The following STPG2 variants were observed in gnomAD, a reference collection of about 807,000 sequenced individuals.
The protein encoded by STPG2 is sperm-tail PG-rich repeat-containing protein 2.
A neutral mutation model predicts 54.2 loss-of-function variants in STPG2; 56 were observed. The ratio of observed to expected loss-of-function variants is 1.03; its 90% CI spans 0.83 to 1.29. STPG2 has a LOEUF of 1.29. Among genes scored for constraint, STPG2 ranks in the 50% most tolerant of loss-of-function variants. The probability of loss-of-function intolerance (pLI) is 0.00; values close to 1 mark genes in which losing one functional copy is unlikely to be tolerated. For missense variants in STPG2, 596 were observed against 544.9 expected (o/e 1.09, Z -0.93); for synonymous variants, 200 against 181.8 (o/e 1.10, Z -0.81).
At position 97,981,136 on chromosome 4, in the gene STPG2, A is replaced by C. The variant is rs780878638; in HGVS notation, c.772+23T>G. 6 of 1,610,776 alleles carry C rather than the reference A, an allele frequency of 3.7e-6. No homozygotes were observed. The Admixed American group carries it at 1.0e-4, about 27-fold the overall frequency. ...GTTTCTTTATAAAGCCAAAGAGTAGACATATATAGATAAATTGCTAACCTG... is the reference window on the plus strand; with the variant it reads ...GTTTCTTTATAAAGCCAAAGAGTAGCCATATATAGATAAATTGCTAACCTG... On this transcript the variant is annotated intron_variant, in intron 6 of 10. Transcript: ENST00000295268.
At chr4:97,570,037 A>C (rs1041442251) in intron 10 of STPG2, among the ~76,000 whole-genome samples, 1 of 152,084 alleles carries the variant, frequency 6.6e-6, no homozygotes, top group African/African-American at 2.4e-5. Context: ...TACCAGAAAA[A>C]CCCAAATTGA....
At position 97,495,710 on chromosome 4, in the gene STPG2, CAA is replaced by C. The variant is rs35288994; in HGVS notation, c.462+216987_462+216988del. On this transcript the variant is annotated intron_variant, in intron 4 of 4. Transcript: ENST00000522676. ...ATGTTTGGGAAAGGGATGGTCAAGA[CAA>C]AAAAAAAAAAAAAACACAGAACTAC... Among the ~76,000 whole-genome samples, 294 of 117,754 alleles carry C rather than the reference CAA, an allele frequency of 2.5e-3. 1 individual carries two copies. The highest frequency in any genetic ancestry group is 5.4e-3 in the African/African-American group (174 of 31,962). 77.3% of individuals were successfully genotyped at this position (117,754 alleles called of 152,430 possible).
At chr4:97,441,794 T>C (rs1021032962) in intron 4 of STPG2, among the ~76,000 whole-genome samples, 2 of 152,064 alleles carry the variant, frequency 1.3e-5, no homozygotes, top group Non-Finnish European at 2.9e-5. Context: ...TAAAGGCATA[T>C]ATAGAAGTAT....
rs564263962 is a variant in STPG2, at chr4:97,836,696, C to T, written c.1204+4077G>A. ...TTTGTCCCCATGGAATTTAAAAATG[C>T]TTGATTTTCCTTCTTCCTCTATTAA... is the stretch of plus-strand genomic sequence containing the variant. On this transcript the variant is annotated intron_variant, in intron 9 of 10. Transcript: ENST00000295268. Among the ~76,000 whole-genome samples, 8 of 151,644 alleles carry T rather than the reference C, an allele frequency of 5.3e-5. No individual in the cohort carries two copies. In the South Asian group the frequency reaches 1.2e-3, roughly 24 times the overall value.
At chr4:97,565,548 TC>T (rs1008055358) in intron 10 of STPG2, among the ~76,000 whole-genome samples, 1 of 152,194 alleles carries the variant, frequency 6.6e-6, no homozygotes, top group African/African-American at 2.4e-5. Flanking sequence ...CTCTGTTTTT[TC>T]CCCGTCTTTG....
In STPG2 at chr4:97,865,229, C is replaced by T. The variant is rs1338907016; in HGVS notation, c.1045-24297G>A. ...GCTAATATCCAGAATCTACAAAGAA[C>T]TCAAACAAATTTACAAGAAAAAAAC... On this transcript the variant is annotated intron_variant, in intron 8 of 10. Coordinates refer to ENST00000295268, the MANE Select transcript of STPG2 (RefSeq NM_174952.3). 3.3e-5 allele frequency among the ~76,000 whole-genome samples: 5 copies of T among 152,058 alleles called. No individual in the cohort carries two copies. The East Asian group carries it at 7.7e-4, about 24-fold the overall frequency.
intron 4 of STPG2, among the ~76,000 whole-genome samples, chr4:97,453,254 G>A (rs1311276872): frequency 1.3e-5 from 2 of 152,206 alleles, no homozygotes; most frequent in Admixed American, 6.5e-5. Flanking sequence ...CTGCAGCCTC[G>A]CAGAGAGCTG....
chr4:97,603,562 C>G (rs1192357048), intron 10 of STPG2, among the ~76,000 whole-genome samples: 1 of 151,484 alleles, frequency 6.6e-6, no homozygotes, highest in Non-Finnish European at 1.5e-5. Flanking sequence ...AACCCAAGTG[C>G]TCATCAACAC....
intron 9 of STPG2, among the ~76,000 whole-genome samples, chr4:97,745,475 T>A (rs1725396188): frequency 6.6e-6 from 1 of 151,164 alleles, no homozygotes. Flanking sequence ...TAGAAAATCA[T>A]TTTTTATATT....
Position 98,141,942 on chromosome 4 carries a change from GAAAAA to G in STPG2, c.109+1095_109+1099del, listed in dbSNP as rs3974892. 2.5e-3 allele frequency among the ~76,000 whole-genome samples: 244 copies of G among 96,898 alleles called. 4 individuals are homozygous for G. The highest frequency in any genetic ancestry group is 9.0e-3 in the African/African-American group (222 of 24,578). The allele number at this position is 96,898 out of a possible 152,430, so 63.6% of individuals were successfully genotyped here. A position where few individuals can be genotyped will look rare whatever the true frequency, so the allele number is the denominator to read the frequency against. On this transcript the variant is annotated intron_variant, in intron 1 of 10. Transcript: ENST00000295268. ...GACACTCTTCCAAGACAGTAGTTGG[GAAAAA>G]AAAAAAAAAAAAAAACAGGAGGAAA...
At chr4:97,672,049 G>A (rs1406551731) in intron 10 of STPG2, among the ~76,000 whole-genome samples, 1 of 151,004 alleles carries the variant, frequency 6.6e-6, no homozygotes, top group African/African-American at 2.4e-5. Context: ...GACACTATAA[G>A]GTATTTTCAA....
chr4:98,033,217 A>T (rs1302233193), intron 5 of STPG2, among the ~76,000 whole-genome samples: 1 of 152,124 alleles, frequency 6.6e-6, no homozygotes, highest in Non-Finnish European at 1.5e-5. Context: ...CCAGATTAAT[A>T]AAAAAGAAAA....
intron 9 of STPG2, among the ~76,000 whole-genome samples, chr4:97,804,442 A>T (rs1727491151): frequency 6.6e-6 from 1 of 152,170 alleles, no homozygotes; most frequent in Non-Finnish European, 1.5e-5. Context: ...CAAAAAGTTG[A>T]AACTTTTTTT....
intron 10 of STPG2, among the ~76,000 whole-genome samples, chr4:97,691,923 G>C (rs1723378359): frequency 6.6e-6 from 1 of 152,110 alleles, no homozygotes; most frequent in African/African-American, 2.4e-5. Flanking sequence ...TGACTGTGTG[G>C]TTAGATCCAG....
chr4:97,910,623 A>G (rs1731641880), intron 8 of STPG2, among the ~76,000 whole-genome samples: 1 of 152,214 alleles, frequency 6.6e-6, no homozygotes, highest in African/African-American at 2.4e-5. Context: ...ATGTAAATAG[A>G]AACTGTAATT....
chr4:97,906,697 C>A (rs1261845074), intron 8 of STPG2, among the ~76,000 whole-genome samples: 3 of 151,858 alleles, frequency 2.0e-5, no homozygotes, highest in Non-Finnish European at 4.4e-5. Flanking sequence ...CCCTGGGATG[C>A]AAGGCTGGTT....
chr4:97,525,816 T>A (rs1731269250), intron 4 of STPG2, among the ~76,000 whole-genome samples: 1 of 152,042 alleles, frequency 6.6e-6, no homozygotes, highest in South Asian at 2.1e-4. Context: ...TTGATTTGCA[T>A]TTCTCTAATG....
rs137986349 is a variant in STPG2 at position 97,536,154 on chromosome 4, T to G, written c.462+176545A>C. ...CCATGCCTGCAAAATTAAATAATTTTTATTGCTTCATCTTCAAGGTCACTG... is the reference window on the plus strand; with the variant it reads ...CCATGCCTGCAAAATTAAATAATTTGTATTGCTTCATCTTCAAGGTCACTG... On this transcript the variant is annotated intron_variant, in intron 4 of 4. Coordinates refer to the STPG2 transcript ENST00000522676. Among the ~76,000 whole-genome samples the G allele has an allele frequency of 4.1e-3, 631 of 152,310 alleles. 3 individuals carry two copies. Among genetic ancestry groups the G allele is most frequent in the South Asian group, 0.02 (98 of 4,822 alleles).
intron 10 of STPG2, among the ~76,000 whole-genome samples, chr4:97,652,374 C>G (rs1035800161): frequency 1.3e-5 from 2 of 151,736 alleles, no homozygotes; most frequent in Admixed American, 1.3e-4. Context: ...AGAGATTTCA[C>G]CTTTAAAATC....
Sources: allele counts gnomAD v4.1 joint callset (sites outside exome capture counted in the v4.1 genomes callset), GRCh38; gene constraint gnomAD v4.1.1; transcripts MANE v1.5; gene names NCBI Gene and HGNC (gene_info 2026-07-23, HGNC 2026-07-21).